PCDHA5: variants seen among roughly 807,000 people sequenced by gnomAD.
PCDHA5 encodes the protein protocadherin alpha 5.
In PCDHA5, 43 loss-of-function variants were observed where a neutral mutation model predicts 61.6. The ratio of observed to expected loss-of-function variants is 0.70; its 90% CI spans 0.55 to 0.90. The LOEUF (loss-of-function observed/expected upper bound fraction) is 0.90, where lower values mean the gene tolerates loss of function less well. Among genes scored for constraint, PCDHA5 ranks in the 40% least tolerant of loss-of-function variants. The probability of loss-of-function intolerance (pLI) is 0.00; values close to 1 mark genes in which losing one functional copy is unlikely to be tolerated. For missense variants in PCDHA5, 1,298 were observed against 1,222.7 expected (o/e 1.06, Z -0.92); for synonymous variants, 627 against 543.9 (o/e 1.15, Z -2.13).
rs2094433165 is a variant in PCDHA5, at chr5:140,949,923, G to T, written c.2353-29026G>T. Among the ~76,000 whole-genome samples the T allele has an allele frequency of 2.7e-5, 4 of 150,516 alleles. No homozygotes were observed. In the South Asian group the frequency reaches 8.3e-4, roughly 31 times the overall value. On this transcript the variant is annotated intron_variant, in intron 1 of 3. Coordinates refer to ENST00000529859, the MANE Select transcript of PCDHA5 (RefSeq NM_018908.3). Reference sequence around the variant, plus strand: ...TAATTTTTAGATATAACTATTTTTAGATTTTTTTTAATTTGCATTTTTTAG... The same window carrying T: ...TAATTTTTAGATATAACTATTTTTATATTTTTTTTAATTTGCATTTTTTAG...
At position 140,821,655 on chromosome 5, in the gene PCDHA5, G is replaced by T; in HGVS notation, c.-121G>T. 1 of 1,121,134 alleles carries T rather than the reference G, an allele frequency of 8.9e-7. No individual in the cohort carries two copies. The highest frequency in any genetic ancestry group is 1.3e-6 in the Non-Finnish European group (1 of 792,826). 69.4% of individuals were successfully genotyped at this position (1,121,134 alleles called of 1,614,324 possible). A position where few individuals can be genotyped will look rare whatever the true frequency, so the allele number is the denominator to read the frequency against. On this transcript the variant is annotated 5_prime_UTR_variant, in exon 1 of 4. Transcript: ENST00000529859. The stretch of plus-strand genomic sequence containing the variant: ...AAAGGAAAAGAACCTTCCATTTTTG[G>T]CTGTGCCAAGAAGCTCAGAAAGGCG...
chr5:140,870,731 C>T (rs782095287), intron 1 of PCDHA5: 3 of 1,613,444 alleles, frequency 1.9e-6, no homozygotes, highest in Non-Finnish European at 2.5e-6. Context: ...GGCGTGCCGC[C>T]TCTGAGCAGC....
At chr5:140,882,039 TGA>T (rs781834736) in intron 1 of PCDHA5, 12 of 658,206 alleles carry the variant, frequency 1.8e-5, no homozygotes, top group Non-Finnish European at 2.9e-5. Flanking sequence ...ATATGAAGAC[TGA>T]GTCATACTTA....
chr5:140,829,991 A>G, intron 1 of PCDHA5: 2 of 1,613,756 alleles, frequency 1.2e-6, no homozygotes, highest in Non-Finnish European at 1.7e-6. Context: ...GATCAGCACC[A>G]CTCGTGTCCT....
intron 1 of PCDHA5, chr5:140,870,475 G>A (rs1554164304): frequency 1.2e-6 from 2 of 1,614,096 alleles, no homozygotes; most frequent in Admixed American, 1.7e-5. Context: ...CGCACAGCCC[G>A]AGTACACCGT....
At position 140,823,542 on chromosome 5, in the gene PCDHA5, G is replaced by A; in HGVS notation, c.1767G>A (p.Val589=). The part of the protein sequence containing the change: ...LVPRSVGAGH[V]VAKVRAVDPD... ...CGAGGTCAGTGGGTGCGGGCCACGT[G>A]GTGGCGAAGGTGCGCGCAGTGGACC... The change falls in exon 1 of 4, where the codon GTG becomes GTA. Residue 589 remains valine, a synonymous_variant. Coordinates refer to ENST00000529859, the MANE Select transcript of PCDHA5 (RefSeq NM_018908.3). 6.2e-7 allele frequency: 1 copy of A among 1,613,852 alleles called. No individual in the cohort carries two copies. Among genetic ancestry groups the A allele is most frequent in the Non-Finnish European group, 8.5e-7 (1 of 1,179,886 alleles).
chr5:140,844,390 A>G (rs1233880656), intron 1 of PCDHA5, among the ~76,000 whole-genome samples: 1 of 149,636 alleles, frequency 6.7e-6, no homozygotes, highest in Non-Finnish European at 1.5e-5. Flanking sequence ...TTCATTATTT[A>G]GACCATTTTA....
At chr5:140,878,556 A>G (rs959852623) in intron 1 of PCDHA5, among the ~76,000 whole-genome samples, 3 of 152,156 alleles carry the variant, frequency 2.0e-5, no homozygotes, top group East Asian at 3.8e-4. Context: ...GATGATCCCA[A>G]ACTTATCATA....
At chr5:140,863,416 C>G (rs782237036) in intron 1 of PCDHA5, 14 of 719,640 alleles carry the variant, frequency 1.9e-5, no homozygotes, top group African/African-American at 3.6e-5. Context: ...GCTGGTGTAC[C>G]GCAGCGTAGT....
intron 1 of PCDHA5, chr5:140,842,895 A>C: frequency 6.3e-7 from 1 of 1,594,156 alleles, no homozygotes; most frequent in East Asian, 2.2e-5. Flanking sequence ...CCGCTGGACC[A>C]CGAGGAGCTA....
At chr5:140,897,443 G>T (rs533610542) in intron 1 of PCDHA5, among the ~76,000 whole-genome samples, 75 of 150,100 alleles carry the variant, frequency 5.0e-4, no homozygotes, top group Middle Eastern at 3.5e-3. Flanking sequence ...GCAGTGTTTG[G>T]TTTTTTGTCC....
At chr5:140,836,206 C>T (rs1554135734) in intron 1 of PCDHA5, 3 of 1,613,832 alleles carry the variant, frequency 1.9e-6, no homozygotes, top group South Asian at 2.2e-5. Context: ...GCGTGGCTTT[C>T]GTATGAGTTG....
At chr5:141,000,377 C>G (rs1213637729) in intron 3 of PCDHA5, among the ~76,000 whole-genome samples, 1 of 58,954 alleles carries the variant, frequency 1.7e-5, no homozygotes, top group South Asian at 5.5e-4. Flanking sequence ...CTCTCTCTCT[C>G]TCTCTCTCTC....
intron 1 of PCDHA5, among the ~76,000 whole-genome samples, chr5:140,904,631 G>A (rs150616068): frequency 0.029 from 4,338 of 152,074 alleles, 82 homozygotes; most frequent in Non-Finnish European, 0.044. Flanking sequence ...GTTCTTTAAG[G>A]AATCTCCACA....
At chr5:140,998,095 CA>C (rs1482651958) in intron 3 of PCDHA5, among the ~76,000 whole-genome samples, 1 of 152,106 alleles carries the variant, frequency 6.6e-6, no homozygotes, top group Non-Finnish European at 1.5e-5. Flanking sequence ...AATGCTAGAG[CA>C]AACAGAGGAG....
chr5:140,841,820 GT>G (rs2150323567), intron 1 of PCDHA5: 1 of 1,613,910 alleles, frequency 6.2e-7, no homozygotes, highest in Non-Finnish European at 8.5e-7. Context: ...AGCTAACTCC[GT>G]GTTAACCTAC....
intron 1 of PCDHA5, among the ~76,000 whole-genome samples, chr5:140,924,635 C>G (rs2081927697): frequency 6.6e-6 from 1 of 152,108 alleles, no homozygotes; most frequent in Non-Finnish European, 1.5e-5. Context: ...GGGCTCACAC[C>G]TGTAATCCCA....
Position 140,848,921 on chromosome 5 carries a change from C to T in PCDHA5, c.2352+24794C>T. ...CAGCGACACAAAAGAATCTGTTCAT[C>T]GCGGAATCCAGGCCGCTTGACTCTC... On this transcript the variant is annotated intron_variant, in intron 1 of 3. Transcript: ENST00000529859. 3.7e-6 allele frequency: 6 copies of T among 1,607,754 alleles called. 1 individual carries two copies. Among genetic ancestry groups the T allele is most frequent in the Non-Finnish European group, 2.5e-6 (3 of 1,176,916 alleles).
chr5:140,975,149 T>A (rs990599895), intron 1 of PCDHA5, among the ~76,000 whole-genome samples: 1 of 152,202 alleles, frequency 6.6e-6, no homozygotes, highest in Non-Finnish European at 1.5e-5. Flanking sequence ...CACTCTCAGT[T>A]CCTAGAGAAC....
Sources: allele counts gnomAD v4.1 joint callset (sites outside exome capture counted in the v4.1 genomes callset), GRCh38; gene constraint gnomAD v4.1.1; transcripts MANE v1.5; gene names NCBI Gene and HGNC (gene_info 2026-07-23, HGNC 2026-07-21).